Variants in DAAM1 observed in about 807,000 individuals in gnomAD.
The protein encoded by DAAM1 is dishevelled associated activator of morphogenesis 1, also known as disheveled-associated activator of morphogenesis 1.
In DAAM1, 52 loss-of-function variants were observed where a neutral mutation model predicts 130.0. The ratio of observed to expected loss-of-function variants is 0.40; its 90% confidence interval spans 0.32 to 0.50. The LOEUF (loss-of-function observed/expected upper bound fraction) is 0.50, where lower values mean the gene tolerates loss of function less well. Ranked by LOEUF, DAAM1 falls within the 20% of genes least tolerant of loss-of-function variation. The pLI is 0.61. For synonymous variants in DAAM1, 452 were observed against 444.5 expected, an observed-to-expected ratio of 1.02 and a Z score of -0.21; for missense variants, 1,134 against 1,303.8, an observed-to-expected ratio of 0.87 and a Z score of 2.01.
chr14:59,221,974 T>C (rs1230381921), intron 1 of DAAM1, among the ~76,000 whole-genome samples: 4 of 152,206 alleles, frequency 2.6e-5, no homozygotes, highest in Non-Finnish European at 2.9e-5. Context: ...CCTGTGAATC[T>C]TGGCTGTCAG....
At chr14:59,342,133 C>T (rs1885872371) in intron 16 of DAAM1, among the ~76,000 whole-genome samples, 1 of 152,214 alleles carries the variant, frequency 6.6e-6, no homozygotes, top group Non-Finnish European at 1.5e-5. Flanking sequence ...TCTAAACTCT[C>T]TTAAGACAGT....
At chr14:59,332,094 G>T (rs1051983496) in intron 15 of DAAM1, among the ~76,000 whole-genome samples, 174 bp downstream of exon 15, 2 of 152,226 alleles carry the variant, frequency 1.3e-5, no homozygotes, top group Non-Finnish European at 2.9e-5. Context: ...TATGTGAACA[G>T]TCGAAGATAT....
intron 1 of DAAM1, among the ~76,000 whole-genome samples, chr14:59,216,376 A>G (rs1014450949): frequency 6.6e-6 from 1 of 152,204 alleles, no homozygotes; most frequent in Non-Finnish European, 1.5e-5. Flanking sequence ...ACTCATGCAC[A>G]TTGTCTGTAT....
intron 2 of DAAM1, among the ~76,000 whole-genome samples, chr14:59,288,186 C>T (rs989300685): frequency 2.0e-5 from 3 of 152,104 alleles, no homozygotes; most frequent in African/African-American, 7.2e-5. Context: ...ACATCCTATT[C>T]AATAAATGGT....
At chr14:59,251,878 G>A (rs1312723335) in intron 1 of DAAM1, among the ~76,000 whole-genome samples, 1 of 152,126 alleles carries the variant, frequency 6.6e-6, no homozygotes, top group African/African-American at 2.4e-5. Flanking sequence ...TTGTTTCTGG[G>A]TGGCTTCTCC....
intron 1 of DAAM1, among the ~76,000 whole-genome samples, chr14:59,202,305 T>A (rs1888129200): frequency 6.6e-6 from 1 of 152,228 alleles, no homozygotes; most frequent in African/African-American, 2.4e-5. Context: ...GACCTTGTCT[T>A]TGGCCCAGAG....
chr14:59,353,933 G>T lies in DAAM1; in HGVS notation c.2325G>T (p.Glu775Asp). ...TGTACTTCAAAAAGAAGTTTGCAGA[G>T]CGTGTGGCAGAAGTGAAACCTAAAG... ...QSLYFKKKFA[E>D]RVAEVKPKVE... is the part of the protein sequence containing the mutation. The change falls in exon 19 of 25, where the codon GAG (glutamate) becomes GAT (aspartate). Residue 775 changes from glutamate (E) to aspartate (D), a missense_variant. By Grantham distance (45) the Glu-to-Asp change is conservative. Around this residue, in one of 3 missense-constraint regions of DAAM1, gnomAD observed 644 missense variants for 695.9 expected, o/e 0.93. Coordinates refer to ENST00000360909, the MANE Select transcript of DAAM1 (RefSeq NM_001270520.2). 1 of 1,614,072 alleles carries T rather than the reference G, an allele frequency of 6.2e-7. No homozygotes were observed. The highest frequency in any genetic ancestry group is 8.5e-7 in the Non-Finnish European group (1 of 1,179,958).
chr14:59,209,712 T>A (rs1288683042), intron 1 of DAAM1, among the ~76,000 whole-genome samples: 1 of 152,172 alleles, frequency 6.6e-6, no homozygotes, highest in Admixed American at 6.5e-5. Flanking sequence ...AGCAGGTTGG[T>A]GTATTAAATG....
intron 1 of DAAM1, among the ~76,000 whole-genome samples, chr14:59,209,650 T>G (rs940207064): frequency 6.6e-6 from 1 of 152,212 alleles, no homozygotes; most frequent in Non-Finnish European, 1.5e-5. Flanking sequence ...TGTAGGGTAA[T>G]GTAAGTGTTT....
At chr14:59,301,397 G>A (rs771605213) in intron 3 of DAAM1, among the ~76,000 whole-genome samples, 16 of 151,892 alleles carry the variant, frequency 1.1e-4, no homozygotes, top group Non-Finnish European at 2.2e-4. Flanking sequence ...TGTTCATATC[G>A]TTCAAATGAA....
intron 1 of DAAM1, among the ~76,000 whole-genome samples, chr14:59,212,316 T>A (rs1037932173): frequency 1.9e-4 from 29 of 152,238 alleles, no homozygotes; most frequent in Non-Finnish European, 3.8e-4. Context: ...TTTGTTTTTT[T>A]AAATAGTATT....
chr14:59,229,463 A>G (rs1889039335), intron 1 of DAAM1, among the ~76,000 whole-genome samples: 1 of 152,240 alleles, frequency 6.6e-6, no homozygotes, highest in African/African-American at 2.4e-5. Context: ...CTTGATTTAT[A>G]AATTCACTTC....
chr14:59,203,489 C>CT (rs1486145482), intron 1 of DAAM1, among the ~76,000 whole-genome samples: 1 of 152,004 alleles, frequency 6.6e-6, no homozygotes, highest in African/African-American at 2.4e-5. Context: ...ATTTTTAGGC[C>CT]TTAGGGATAA....
chr14:59,324,410 T>C lies in DAAM1; in HGVS notation c.945T>C (p.Pro315=). ...AATTTCTGATGTTAGGAATTCAACCTGTAATAGATAAATTAAGGGAACACG... is the reference window on the plus strand; with the variant it reads ...AATTTCTGATGTTAGGAATTCAACCCGTAATAGATAAATTAAGGGAACACG... ...RYEFLMLGIQ[P]VIDKLREHEN... The change falls in exon 8 of 25, where the codon CCT becomes CCC. Residue 315 remains proline (P), a synonymous_variant. Transcript: ENST00000360909. 3 of 1,597,266 alleles carry C rather than the reference T, an allele frequency of 1.9e-6. No homozygotes were observed. The highest frequency in any genetic ancestry group is 2.6e-6 in the Non-Finnish European group (3 of 1,171,680).
At chr14:59,329,206 T>C (rs1233162044) in intron 12 of DAAM1, among the ~76,000 whole-genome samples, 1 of 152,214 alleles carries the variant, frequency 6.6e-6, no homozygotes, top group African/African-American at 2.4e-5. Flanking sequence ...CTTGAAATGC[T>C]GAAAGTTCTC....
chr14:59,309,715 G>T (rs372930825), intron 3 of DAAM1, among the ~76,000 whole-genome samples: 1 of 152,188 alleles, frequency 6.6e-6, no homozygotes, highest in Admixed American at 6.5e-5. Flanking sequence ...AAAAGTTTGC[G>T]ACCCTTGGTT....
intron 2 of DAAM1, among the ~76,000 whole-genome samples, chr14:59,268,422 G>A (rs1372838431): frequency 2.0e-5 from 3 of 152,184 alleles, no homozygotes; most frequent in African/African-American, 7.2e-5. Context: ...CTTTCAGACT[G>A]TTTCAAAATG....
intron 5 of DAAM1, among the ~76,000 whole-genome samples, chr14:59,321,650 G>A (rs975620134): frequency 3.3e-5 from 5 of 152,190 alleles, no homozygotes; most frequent in Non-Finnish European, 7.4e-5. Flanking sequence ...CTGGTTTAAC[G>A]AGCTTGGCTA....
chr14:59,237,572 GA>G (rs1889341678), intron 1 of DAAM1, among the ~76,000 whole-genome samples: 1 of 152,114 alleles, frequency 6.6e-6, no homozygotes, highest in African/African-American at 2.4e-5. Context: ...AATGAAGGAA[GA>G]ATAAACTCAA....
Sources: allele counts gnomAD v4.1 joint callset (sites outside exome capture counted in the v4.1 genomes callset), GRCh38; gene constraint gnomAD v4.1.1; regional missense constraint gnomAD v4.1.1; transcripts MANE v1.5; gene names NCBI Gene and HGNC (gene_info 2026-07-23, HGNC 2026-07-21).